Variants in RANBP2 observed in about 807,000 individuals in gnomAD.
RANBP2 encodes the protein E3 SUMO-protein ligase RanBP2.
Under a neutral mutation model 303.6 loss-of-function variants are expected in RANBP2, and 57 were observed. The ratio of observed to expected loss-of-function variants is 0.19; its 90% CI spans 0.15 to 0.23. The LOEUF is 0.23. Ranked by LOEUF, RANBP2 falls within the 10% of genes least tolerant of loss-of-function variation. The pLI is 1.00. For missense variants in RANBP2, 3,138 were observed against 3,780.8 expected (o/e 0.83, Z 4.46); for synonymous variants, 1,167 against 1,301.5 (o/e 0.90, Z 2.23).
chr2:109,536,947 G>A, the RANBP2 span, among the ~76,000 whole-genome samples: 2 of 152,136 alleles, frequency 1.3e-5, no homozygotes, highest in Admixed American at 6.6e-5. Context: ...CCATGATTGT[G>A]AGGCTTCCCC....
the RANBP2 span, among the ~76,000 whole-genome samples, chr2:108,995,274 C>T: frequency 1.3e-5 from 2 of 152,196 alleles, no homozygotes; most frequent in African/African-American, 4.8e-5. Flanking sequence ...GATCCTCCCA[C>T]CTTGGCTTCC....
chr2:108,765,784 T>A lies in RANBP2; in HGVS notation c.5245T>A (p.Cys1749Ser), dbSNP rs371034684. The change falls in exon 20 of 29, where the codon TGT (cysteine) becomes AGT (serine). Residue 1749 changes from cysteine (C) to serine (S), a missense_variant. By Grantham distance (112) the Cys-to-Ser change is moderately radical (BLOSUM62 -1). Around this residue, in one of 20 missense-constraint regions of RANBP2, gnomAD observed 348 missense variants for 360.4 expected, o/e 0.97. Transcript: ENST00000283195. The stretch of plus-strand genomic sequence containing the variant: ...TGCTACCAAATGTATTGCTTGTCAG[T>A]GTCCAAGTAAACAAAATCAAACAAC... ...ASATKCIACQ[C>S]PSKQNQTTAI... 2.1e-5 allele frequency: 34 copies of A among 1,613,706 alleles called. No homozygotes were observed. The African/African-American group carries it at 3.6e-4, about 17-fold the overall frequency.
the RANBP2 span, among the ~76,000 whole-genome samples, chr2:109,444,934 C>A: frequency 1.8e-3 from 279 of 151,660 alleles, 1 homozygote; most frequent in African/African-American, 5.7e-3. Flanking sequence ...TATACACACA[C>A]AAAAAAGAAA....
the RANBP2 span, among the ~76,000 whole-genome samples, chr2:109,601,250 T>C: frequency 3.3e-5 from 5 of 152,212 alleles, no homozygotes; most frequent in Admixed American, 3.3e-4. Flanking sequence ...ATCCTTAAGC[T>C]ACCTAGGGGC....
chr2:108,960,541 G>A, the RANBP2 span, among the ~76,000 whole-genome samples: 13 of 152,328 alleles, frequency 8.5e-5, no homozygotes, highest in South Asian at 2.3e-3. Flanking sequence ...TGCCCCGTCA[G>A]CCAGCAGAAA....
chr2:109,208,849 C>T, the RANBP2 span, among the ~76,000 whole-genome samples: 1 of 152,224 alleles, frequency 6.6e-6, no homozygotes, highest in Non-Finnish European at 1.5e-5. Context: ...AAGGCAAATT[C>T]AGGTTCATTC....
At chr2:108,888,850 G>T in the RANBP2 span, among the ~76,000 whole-genome samples, 1 of 151,430 alleles carries the variant, frequency 6.6e-6, no homozygotes, top group Non-Finnish European at 1.5e-5. Context: ...TTTTGGGCTT[G>T]GTTTGTTCTT....
At chr2:108,729,884 T>A (rs1431761036) in intron 2 of RANBP2, among the ~76,000 whole-genome samples, 1 of 152,054 alleles carries the variant, frequency 6.6e-6, no homozygotes, top group Non-Finnish European at 1.5e-5. Context: ...CACACCTGGC[T>A]AAGGTTTGCA....
chr2:109,733,269 C>A, the RANBP2 span: 1 of 290,828 alleles, frequency 3.4e-6, no homozygotes. Flanking sequence ...AAAGATGTTT[C>A]AACAGAAGAA....
At chr2:109,493,128 A>C in the RANBP2 span, among the ~76,000 whole-genome samples, 12 of 146,596 alleles carry the variant, frequency 8.2e-5, no homozygotes, top group Non-Finnish European at 1.7e-4. Flanking sequence ...ATATAAACAC[A>C]CATACCCCAC....
At chr2:108,909,693 T>A in the RANBP2 span, among the ~76,000 whole-genome samples, 2 of 152,178 alleles carry the variant, frequency 1.3e-5, no homozygotes, top group African/African-American at 4.8e-5. Flanking sequence ...CAGGACCAAG[T>A]CCAAATGACC....
chr2:108,890,885 G>A, the RANBP2 span, among the ~76,000 whole-genome samples: 1 of 151,888 alleles, frequency 6.6e-6, no homozygotes, highest in African/African-American at 2.4e-5. Flanking sequence ...TGTCTGACTG[G>A]ATTATTTCAA....
chr2:108,749,736 C>T (rs1675707166), intron 9 of RANBP2, among the ~76,000 whole-genome samples: 2 of 152,170 alleles, frequency 1.3e-5, no homozygotes, highest in African/African-American at 4.8e-5. Flanking sequence ...GTACCATAGG[C>T]ACATGCCACT....
At chr2:108,846,784 T>C in the RANBP2 span, 1 of 1,613,040 alleles carries the variant, frequency 6.2e-7, no homozygotes, top group Non-Finnish European at 8.5e-7. Context: ...GAAGACATTT[T>C]TAAAGGAGTG....
At chr2:109,399,260 C>G in the RANBP2 span, among the ~76,000 whole-genome samples, 1 of 152,190 alleles carries the variant, frequency 6.6e-6, no homozygotes, top group Non-Finnish European at 1.5e-5. Context: ...TTCCAGATGT[C>G]TGATTATGTC....
chr2:109,524,753 T>A, the RANBP2 span, among the ~76,000 whole-genome samples: 9,801 of 151,704 alleles, frequency 0.065, 752 homozygotes, highest in East Asian at 0.24. Context: ...TCAAAAAATA[T>A]ATAAATAAAT....
chr2:109,185,443 G>C, the RANBP2 span, among the ~76,000 whole-genome samples: 3 of 152,210 alleles, frequency 2.0e-5, no homozygotes, highest in East Asian at 5.8e-4. Context: ...ATCCGAAGAG[G>C]CAAGTTAATT....
At chr2:109,557,223 T>TA in the RANBP2 span, among the ~76,000 whole-genome samples, 1 of 152,046 alleles carries the variant, frequency 6.6e-6, no homozygotes, top group Non-Finnish European at 1.5e-5. Flanking sequence ...ATAACAAACA[T>TA]AAGTTTTTTA....
At chr2:109,392,897 C>T in the RANBP2 span, among the ~76,000 whole-genome samples, 1 of 152,162 alleles carries the variant, frequency 6.6e-6, no homozygotes, top group Admixed American at 6.5e-5. Context: ...TGGAATGTTC[C>T]ACACACAACT....
Sources: gnomAD v4.1 joint callset for allele counts (sites outside exome capture counted in the v4.1 genomes callset) on GRCh38, gnomAD v4.1.1 for gene constraint, gnomAD v4.1.1 regional missense constraint, MANE v1.5 for transcripts, NCBI Gene and HGNC (gene_info 2026-07-23, HGNC 2026-07-21) for gene names.